The following TRRAP variants were observed in gnomAD, a reference collection of about 807,000 sequenced individuals.
TRRAP encodes the protein transformation/transcription domain-associated protein.
In TRRAP, 41 loss-of-function variants were observed where a neutral mutation model predicts 438.8. The observed-to-expected ratio is 0.09, with a 90% CI of 0.07 to 0.12. TRRAP has a LOEUF of 0.12. Ranked by LOEUF, TRRAP falls within the 10% of genes least tolerant of loss-of-function variation. The pLI, the probability that TRRAP is intolerant of heterozygous loss-of-function variation, is 1.00. For synonymous variants in TRRAP, 1,994 were observed against 1,962.9 expected, an observed-to-expected ratio of 1.02 and a Z score of -0.42; for missense variants, 3,122 against 5,055.1, an observed-to-expected ratio of 0.62 and a Z score of 11.60.
chr7:98,965,667 G>A (rs762739963), intron 48 of TRRAP, 29 bp from the exon 49 acceptor site: 69 of 1,613,182 alleles, frequency 4.3e-5, no homozygotes, highest in Non-Finnish European at 5.2e-5. Flanking sequence ...TTAGAGACCC[G>A]TGGGTTTGTT....
rs1392422926 is a variant in TRRAP, at chr7:98,956,552, G to A, written c.6231+19G>A. The A allele has an allele frequency of 2.5e-6, 4 of 1,607,774 alleles. No individual in the cohort carries two copies. Among genetic ancestry groups the A allele is most frequent in the Admixed American group, 1.7e-5 (1 of 58,258 alleles). ...CAGTGCAGTAAGATCATGTGCCTCT[G>A]TATGGGTGCTGCGCATTCTGCTGGG... On this transcript the variant is annotated intron_variant, in intron 43 of 72. Coordinates refer to ENST00000456197, the MANE Select transcript of TRRAP (RefSeq NM_001375524.1). The surrounding 1 kb of genome is among the most constrained non-coding windows in gnomAD (Gnocchi z 4.5).
chr7:98,909,364 C>T (rs1414587480), intron 14 of TRRAP, among the ~76,000 whole-genome samples: 8 of 152,274 alleles, frequency 5.3e-5, no homozygotes, highest in South Asian at 2.1e-4. Flanking sequence ...GCGGCTTGAT[C>T]GCTAGGCTTG....
At chr7:98,945,669 T>C in intron 31 of TRRAP, 78 bp from the exon 32 acceptor site, 1 of 1,539,654 alleles carries the variant, frequency 6.5e-7, no homozygotes, top group African/African-American at 1.4e-5. Context: ...CAATAACCCT[T>C]ACTGTGTTTG....
Position 98,956,315 on chromosome 7 carries a change from C to G in TRRAP, c.6096+11C>G. 1 of 1,614,076 alleles carries G rather than the reference C, an allele frequency of 6.2e-7. No homozygotes were observed. The highest frequency in any genetic ancestry group is 8.5e-7 in the Non-Finnish European group (1 of 1,179,952). ...ATCAAGGACCAGCAGGTAGGGGTGTCAGCCTCAGGGGTGCCCCGATCGTCT... is the reference window on the plus strand; with the variant it reads ...ATCAAGGACCAGCAGGTAGGGGTGTGAGCCTCAGGGGTGCCCCGATCGTCT... On this transcript the variant is annotated intron_variant, in intron 42 of 72. Transcript: ENST00000456197. The surrounding 1 kb of genome is among the most constrained non-coding windows in gnomAD (Gnocchi z 4.5).
At position 98,997,483 on chromosome 7, in the gene TRRAP, CAAAAAAAA is replaced by C. The variant is rs61132070; in HGVS notation, c.10309+2657_10309+2664del. ...ATTATCACCCAAAACACTGCTGTTG[CAAAAAAAA>C]AAAAAAAAAAAAAAAAAAAAATTAG... On this transcript the variant is annotated intron_variant, in intron 67 of 72. Transcript: ENST00000456197. Among the ~76,000 whole-genome samples the C allele has an allele frequency of 6.7e-3, 286 of 42,652 alleles. 4 individuals are homozygous for C. Among genetic ancestry groups the C allele is most frequent in the African/African-American group, 0.02 (234 of 11,758 alleles). 28.0% of individuals were successfully genotyped at this position (42,652 alleles called of 152,430 possible).
Position 98,978,760 on chromosome 7 carries a change from G to A in TRRAP, c.8499-9G>A. 1.2e-6 allele frequency: 2 copies of A among 1,614,132 alleles called. No homozygotes were observed. The highest frequency in any genetic ancestry group is 1.7e-6 in the Non-Finnish European group (2 of 1,180,038). ...TTGAGCTTTTGCTCTGGGATCTGTG[G>A]TCTTCTAGATGCTCCAAGGAATTGA... On this transcript the variant is annotated splice_polypyrimidine_tract_variant and intron_variant, in intron 57 of 72. Transcript: ENST00000456197.
intron 14 of TRRAP, among the ~76,000 whole-genome samples, chr7:98,909,436 A>G (rs1796956934): frequency 6.6e-6 from 1 of 152,096 alleles, no homozygotes; most frequent in African/African-American, 2.4e-5. Context: ...ACTTCTGTGC[A>G]CCAGTTTTTT....
chr7:98,898,434 A>C (rs1472565230), intron 8 of TRRAP, among the ~76,000 whole-genome samples: 1 of 152,222 alleles, frequency 6.6e-6, no homozygotes, highest in Non-Finnish European at 1.5e-5. Context: ...TGTTTTGAGC[A>C]CTTACTATGA....
In TRRAP at chr7:98,976,048, A is replaced by G. The variant is rs911237656; in HGVS notation, c.7840-101A>G. On this transcript the variant is annotated intron_variant, in intron 53 of 72. Transcript: ENST00000456197. The surrounding 1 kb of genome is among the most constrained non-coding windows in gnomAD (Gnocchi z 4.6). ...TTTGAAACTTTGAAAGTGGAGGAGC[A>G]TCGGTAATGTATGAGACAGATCATG... 7.1e-6 allele frequency: 10 copies of G among 1,400,176 alleles called. No homozygotes were observed. The African/African-American group carries it at 1.3e-4, about 18-fold the overall frequency. The allele number at this position is 1,400,176 out of a possible 1,614,324, so 86.7% of individuals were successfully genotyped here.
chr7:98,951,708 G>T (rs1584352391), intron 39 of TRRAP, among the ~76,000 whole-genome samples: 1 of 152,364 alleles, frequency 6.6e-6, no homozygotes, highest in Non-Finnish European at 1.5e-5. Flanking sequence ...GATCAAGGCA[G>T]AGGGGACTGT....
chr7:98,925,086 G>C (rs782754671), intron 21 of TRRAP, 26 bp from the exon 22 acceptor site: 2 of 1,592,648 alleles, frequency 1.3e-6, no homozygotes, highest in South Asian at 2.3e-5. Context: ...AGCACAAACT[G>C]TAGTTTCTTT....
intron 69 of TRRAP, among the ~76,000 whole-genome samples, chr7:99,008,075 T>C (rs1346522976): frequency 6.6e-6 from 1 of 152,126 alleles, no homozygotes; most frequent in Non-Finnish European, 1.5e-5. Context: ...CCGCCCACTG[T>C]GGCCTCCCAA....
chr7:98,949,528 G>A lies in TRRAP; in HGVS notation c.4900G>A (p.Gly1634Ser), dbSNP rs782510081. The A allele has an allele frequency of 5.7e-5, 91 of 1,604,722 alleles. No individual in the cohort carries two copies. In the Middle Eastern group the frequency reaches 2.8e-3, roughly 50 times the overall value. Residue 1634 changes from glycine (G) to serine (S), a missense_variant, in exon 36 of 73, where the codon GGT (glycine) becomes AGT (serine). Gly to Ser is a moderately conservative substitution (Grantham distance 56). Coordinates refer to ENST00000456197, the MANE Select transcript of TRRAP (RefSeq NM_001375524.1). Reference sequence around the variant, plus strand: ...GGGTGCCCAGACGGCTGTGCGCCCCGGTTCGCCCAGCACCAGCACCATGCG... The same window carrying A: ...GGGTGCCCAGACGGCTGTGCGCCCCAGTTCGCCCAGCACCAGCACCATGCG... ...PGGAQTAVRP[G>S]SPSTSTMRLD...
rs1358222857 is a variant in TRRAP at position 98,914,788 on chromosome 7, A to G, written c.2200-935A>G. Among the ~76,000 whole-genome samples the G allele has an allele frequency of 3.3e-5, 5 of 151,516 alleles. No homozygotes were observed. In the South Asian group the frequency reaches 1.0e-3, roughly 32 times the overall value. On this transcript the variant is annotated intron_variant, in intron 18 of 72. Transcript: ENST00000456197. ...TTGGAATGTTTAAGAAAAGTATTCA[A>G]GGAACAATTTTCATAGAACTTTTTG...
intron 45 of TRRAP, among the ~76,000 whole-genome samples, chr7:98,960,571 T>A (rs1233682304): frequency 6.6e-6 from 1 of 152,184 alleles, no homozygotes; most frequent in Non-Finnish European, 1.5e-5. Context: ...GATGCTTGTC[T>A]TTGGAAGGAT....
chr7:98,954,001 C>T (rs1274666693), intron 40 of TRRAP, among the ~76,000 whole-genome samples: 1 of 152,254 alleles, frequency 6.6e-6, no homozygotes, highest in Non-Finnish European at 1.5e-5. Context: ...TGGCTTCTGA[C>T]TCTGACATTC....
At chr7:98,905,585 C>T (rs73711449) in intron 12 of TRRAP, among the ~76,000 whole-genome samples, 10 of 152,208 alleles carry the variant, frequency 6.6e-5, no homozygotes, top group East Asian at 5.8e-4. Flanking sequence ...CCTGCAAGGA[C>T]GCAGAGAGTA....
intron 3 of TRRAP, among the ~76,000 whole-genome samples, chr7:98,882,803 A>G (rs1795515041): frequency 6.7e-6 from 1 of 149,270 alleles, no homozygotes; most frequent in Non-Finnish European, 1.5e-5. Context: ...TTGGGATTAC[A>G]GGTGTGCACC....
At chr7:99,000,418 A>AATG (rs35849065) in intron 67 of TRRAP, among the ~76,000 whole-genome samples, 4 of 152,238 alleles carry the variant, frequency 2.6e-5, no homozygotes, top group Non-Finnish European at 5.9e-5. Context: ...CATACTACAT[A>AATG]TACTATGGAA....
Sources: allele counts gnomAD v4.1 joint callset (sites outside exome capture counted in the v4.1 genomes callset), GRCh38; gene constraint gnomAD v4.1.1; non-coding constraint Gnocchi (gnomAD v3.1); transcripts MANE v1.5; gene names NCBI Gene and HGNC (gene_info 2026-07-23, HGNC 2026-07-21).